SYT2: variants seen among roughly 807,000 people sequenced by gnomAD.
SYT2 encodes synaptotagmin-2.
SYT2 carries 15 observed loss-of-function variants against 39.9 expected under a neutral mutation model. That is an observed-to-expected ratio of 0.38 (90% CI 0.25 to 0.58). The LOEUF is 0.58. Among genes scored for constraint, SYT2 ranks in the 20% least tolerant of loss-of-function variants. The pLI is 0.70. For synonymous variants in SYT2, 181 were observed against 204.5 expected, an observed-to-expected ratio of 0.89 and a Z score of 0.98; for missense variants, 389 against 530.3, an observed-to-expected ratio of 0.73 and a Z score of 2.62.
intron 1 of SYT2, among the ~76,000 whole-genome samples, chr1:202,646,303 T>C (rs1386519792): frequency 3.3e-5 from 5 of 152,220 alleles, no homozygotes; most frequent in African/African-American, 1.2e-4. Flanking sequence ...CTGCAGAGCA[T>C]TTGTACATGT....
intron 1 of SYT2, among the ~76,000 whole-genome samples, chr1:202,635,710 T>G (rs1244972225): frequency 1.3e-5 from 2 of 152,180 alleles, no homozygotes; most frequent in African/African-American, 4.8e-5. Flanking sequence ...TGTAGGACAG[T>G]GGGCATCACT....
At chr1:202,709,354 G>A (rs1358168467) in intron 1 of SYT2, among the ~76,000 whole-genome samples, 1 of 152,226 alleles carries the variant, frequency 6.6e-6, no homozygotes, top group African/African-American at 2.4e-5. Context: ...CCTGTGGAAT[G>A]TGGGGATGAA....
rs1474723553 is a variant in SYT2, at chr1:202,594,238, A to G, written c.*2519T>C. ...ACTAGCAGTGGGCTCAGAGTAATAA[A>G]AATCCAGCCCTGGTCACCAGGCACA... On this transcript the variant is annotated 3_prime_UTR_variant, in exon 9 of 9. Transcript: ENST00000367268. 6.6e-6 allele frequency: 1 copy of G among 152,256 alleles called. No individual in the cohort carries two copies. The highest frequency in any genetic ancestry group is 1.5e-5 in the Non-Finnish European group (1 of 68,080). 9.4% of individuals were successfully genotyped at this position (152,256 alleles called of 1,614,324 possible).
intron 1 of SYT2, among the ~76,000 whole-genome samples, chr1:202,706,363 A>T (rs571480109): frequency 6.6e-6 from 1 of 152,008 alleles, no homozygotes; most frequent in Non-Finnish European, 1.5e-5. Context: ...AGAACCCAAG[A>T]CAGTGTTGTG....
At chr1:202,643,230 G>A (rs1691975036) in intron 1 of SYT2, 1 of 151,826 alleles carries the variant, frequency 6.6e-6, no homozygotes, top group African/African-American at 2.4e-5. Flanking sequence ...CTTCGCTCGG[G>A]ACTACTGGCT....
intron 1 of SYT2, chr1:202,630,484 C>G (rs1691553592): frequency 1.2e-6 from 1 of 827,394 alleles, no homozygotes; most frequent in Admixed American, 6.2e-5. Context: ...AGCAGGGAGC[C>G]AAGGTTTAGG....
intron 1 of SYT2, among the ~76,000 whole-genome samples, chr1:202,703,941 T>G (rs1018915937): frequency 1.3e-5 from 2 of 152,234 alleles, no homozygotes; most frequent in African/African-American, 4.8e-5. Context: ...CCAGAGCCAC[T>G]GTATCAACCC....
rs151044833 is a variant in SYT2 at position 202,675,218 on chromosome 1, ATGAG to A, written c.-18+35036_-18+35039del. ...AATACTGAGCACGTTGGGCACATGAATGAGTCTGTATGACCATATATTTAACGTG... is the reference window on the plus strand; with the variant it reads ...AATACTGAGCACGTTGGGCACATGAATCTGTATGACCATATATTTAACGTG... On this transcript the variant is annotated intron_variant, in intron 1 of 8. Transcript: ENST00000367268. 4.4e-3 allele frequency among the ~76,000 whole-genome samples: 668 copies of A among 152,232 alleles called. 4 individuals are homozygous for A. The highest frequency in any genetic ancestry group is 0.015 in the African/African-American group (626 of 41,550).
At chr1:202,660,179 T>G (rs1342908637) in intron 1 of SYT2, among the ~76,000 whole-genome samples, 1 of 152,082 alleles carries the variant, frequency 6.6e-6, no homozygotes, top group Non-Finnish European at 1.5e-5. Context: ...AGGGGGAACA[T>G]CTCACCAGAA....
intron 1 of SYT2, among the ~76,000 whole-genome samples, chr1:202,709,578 G>C (rs1654340236): frequency 6.6e-6 from 1 of 152,224 alleles, no homozygotes; most frequent in African/African-American, 2.4e-5. Context: ...CTAGCCCTTG[G>C]GGACAGAGCT....
Position 202,639,557 on chromosome 1 carries a change from C to A in SYT2, c.-17-33768G>T, listed in dbSNP as rs1691843354. ...ACACATCTCTGTGGAAGGCGGTGTTCCCCGCTCCTTCAGCTTTTCTCCAAG... is the reference window on the plus strand; with the variant it reads ...ACACATCTCTGTGGAAGGCGGTGTTACCCGCTCCTTCAGCTTTTCTCCAAG... On this transcript the variant is annotated intron_variant, in intron 1 of 8. Transcript: ENST00000367268. The A allele has an allele frequency of 4.1e-6, 4 of 985,356 alleles. No individual in the cohort carries two copies. In the Admixed American group the frequency reaches 2.5e-4, roughly 61 times the overall value. The allele number at this position is 985,356 out of a possible 1,614,324, so 61.0% of individuals were successfully genotyped here.
intron 1 of SYT2, among the ~76,000 whole-genome samples, chr1:202,642,788 C>G (rs1333418602): frequency 1.3e-5 from 2 of 152,232 alleles, no homozygotes; most frequent in African/African-American, 4.8e-5. Context: ...GCGAGGCAGG[C>G]GCTGCAGGGT....
intron 1 of SYT2, among the ~76,000 whole-genome samples, chr1:202,692,439 A>G (rs2149117918): frequency 6.6e-6 from 1 of 152,320 alleles, no homozygotes; most frequent in South Asian, 2.1e-4. Flanking sequence ...CAAGCTGGAG[A>G]AAGATGCAAG....
At chr1:202,666,531 C>A (rs922940059) in intron 1 of SYT2, among the ~76,000 whole-genome samples, 5 of 152,190 alleles carry the variant, frequency 3.3e-5, no homozygotes, top group Non-Finnish European at 7.3e-5. Context: ...AGAGAACAAT[C>A]TCTCCGTGAT....
At chr1:202,688,211 G>A (rs1336738632) in intron 1 of SYT2, among the ~76,000 whole-genome samples, 3 of 152,224 alleles carry the variant, frequency 2.0e-5, no homozygotes, top group African/African-American at 7.2e-5. Context: ...TTTACTTTCT[G>A]AGTCTCAGCT....
chr1:202,618,518 G>A (rs184837345), intron 1 of SYT2, among the ~76,000 whole-genome samples: 10 of 152,196 alleles, frequency 6.6e-5, no homozygotes, highest in Non-Finnish European at 1.5e-5. Context: ...CTTGCAGCAG[G>A]CCTGGGACCA....
At chr1:202,689,693 C>G (rs1057179637) in intron 1 of SYT2, among the ~76,000 whole-genome samples, 2 of 152,108 alleles carry the variant, frequency 1.3e-5, no homozygotes, top group African/African-American at 4.8e-5. Flanking sequence ...AACTCATTCT[C>G]TGTCCAGCAT....
chr1:202,701,291 G>T (rs572223633), intron 1 of SYT2, among the ~76,000 whole-genome samples: 1 of 152,202 alleles, frequency 6.6e-6, no homozygotes, highest in African/African-American at 2.4e-5. Context: ...TTTGTTGGTT[G>T]TTCTTTCAGA....
intron 1 of SYT2, among the ~76,000 whole-genome samples, chr1:202,700,782 A>C (rs1654103041): frequency 6.6e-6 from 1 of 152,218 alleles, no homozygotes; most frequent in Non-Finnish European, 1.5e-5. Flanking sequence ...TGAAAGATGA[A>C]AGAAAATCCA....
Sources: allele counts gnomAD v4.1 joint callset (sites outside exome capture counted in the v4.1 genomes callset), GRCh38; gene constraint gnomAD v4.1.1; transcripts MANE v1.5; gene names NCBI Gene and HGNC (gene_info 2026-07-23, HGNC 2026-07-21).